HS3ST4: variants seen among roughly 807,000 people sequenced by gnomAD.
HS3ST4 encodes the protein heparan sulfate glucosamine 3-O-sulfotransferase 4.
HS3ST4 carries 17 observed loss-of-function variants against 29.2 expected under a neutral mutation model. The observed-to-expected ratio is 0.58, with a 90% CI of 0.40 to 0.87. The LOEUF is 0.87. HS3ST4 is among the 40% of genes least tolerant of loss of function. HS3ST4 has a pLI of 0.00. For missense variants in HS3ST4, 627 were observed against 634.5 expected, an observed-to-expected ratio of 0.99 and a Z score of 0.13; for synonymous variants, 314 against 285.7, an observed-to-expected ratio of 1.10 and a Z score of -1.00.
chr16:25,894,744 G>A (rs1968042951), intron 1 of HS3ST4, among the ~76,000 whole-genome samples: 1 of 152,100 alleles, frequency 6.6e-6, no homozygotes, highest in South Asian at 2.1e-4. Flanking sequence ...GACCTCAGGT[G>A]ATCCACCTGC....
intron 1 of HS3ST4, among the ~76,000 whole-genome samples, chr16:25,891,810 G>T (rs1047092894): frequency 1.3e-5 from 2 of 152,188 alleles, no homozygotes; most frequent in Non-Finnish European, 2.9e-5. Flanking sequence ...ATTGTTAGTA[G>T]CACAGGCTAT....
At chr16:25,896,941 T>C (rs1047346052) in intron 1 of HS3ST4, among the ~76,000 whole-genome samples, 4 of 151,994 alleles carry the variant, frequency 2.6e-5, no homozygotes, top group African/African-American at 9.7e-5. Flanking sequence ...CAGTGGGAGC[T>C]TAACATTGGG....
intron 1 of HS3ST4, among the ~76,000 whole-genome samples, chr16:26,124,306 A>G (rs746374044): frequency 2.7e-5 from 4 of 150,408 alleles, no homozygotes; most frequent in Non-Finnish European, 5.9e-5. Flanking sequence ...TGCTAAATTC[A>G]TGAACAAACG....
chr16:25,767,040 T>C (rs553225864), intron 1 of HS3ST4, among the ~76,000 whole-genome samples: 16 of 152,182 alleles, frequency 1.1e-4, no homozygotes, highest in Non-Finnish European at 2.1e-4. Context: ...TTTCAAAATA[T>C]GACTTTATAA....
chr16:26,086,917 A>G (rs1898796336), intron 1 of HS3ST4, among the ~76,000 whole-genome samples: 1 of 152,196 alleles, frequency 6.6e-6, no homozygotes, highest in Non-Finnish European at 1.5e-5. Context: ...ATGAGCCCAG[A>G]TGCAGAGGAG....
intron 1 of HS3ST4, among the ~76,000 whole-genome samples, chr16:25,736,850 C>A (rs559643538): frequency 4.6e-5 from 7 of 151,874 alleles, no homozygotes; most frequent in African/African-American, 1.7e-4. Context: ...TTTTTCTTTT[C>A]TTTTTATTTT....
chr16:26,131,244 C>T (rs1899414938), intron 1 of HS3ST4, among the ~76,000 whole-genome samples: 1 of 152,194 alleles, frequency 6.6e-6, no homozygotes, highest in Non-Finnish European at 1.5e-5. Flanking sequence ...TCTATCTCTG[C>T]CACACTCCTA....
intron 1 of HS3ST4, among the ~76,000 whole-genome samples, chr16:25,979,889 G>A (rs756321861): frequency 1.3e-5 from 2 of 152,132 alleles, no homozygotes; most frequent in Non-Finnish European, 2.9e-5. Context: ...CACCTACCCT[G>A]CTATGCGAAT....
intron 1 of HS3ST4, among the ~76,000 whole-genome samples, chr16:26,051,566 A>C (rs1265398558): frequency 1.3e-5 from 2 of 152,188 alleles, no homozygotes; most frequent in African/African-American, 4.8e-5. Context: ...CACACAGACC[A>C]GAAGTAAGAC....
chr16:25,999,568 A>G (rs1021886706), intron 1 of HS3ST4, among the ~76,000 whole-genome samples: 20 of 150,918 alleles, frequency 1.3e-4, no homozygotes, highest in Non-Finnish European at 2.4e-4. Flanking sequence ...ATTGCCATGT[A>G]TCTTGTTCTT....
chr16:25,937,134 T>C (rs181448150), intron 1 of HS3ST4, among the ~76,000 whole-genome samples: 175 of 145,502 alleles, frequency 1.2e-3, no homozygotes, highest in Non-Finnish European at 2.4e-3. Context: ...GGACTTTTTC[T>C]TTTTTTTTTT....
chr16:25,864,992 T>G (rs1596595667), intron 1 of HS3ST4, among the ~76,000 whole-genome samples: 1 of 135,080 alleles, frequency 7.4e-6, no homozygotes, highest in South Asian at 2.5e-4. Context: ...ACATACACAC[T>G]CACACACACA....
At chr16:26,012,184 A>G (rs1164692592) in intron 1 of HS3ST4, among the ~76,000 whole-genome samples, 1 of 152,228 alleles carries the variant, frequency 6.6e-6, no homozygotes, top group Non-Finnish European at 1.5e-5. Flanking sequence ...ACCATAAAAC[A>G]AGGAAACAGT....
intron 1 of HS3ST4, among the ~76,000 whole-genome samples, chr16:25,725,685 G>A (rs1040898445): frequency 1.3e-5 from 2 of 150,650 alleles, no homozygotes; most frequent in South Asian, 2.1e-4. Context: ...CTTATATATT[G>A]CAATTTATAT....
chr16:25,720,708 G>A (rs1218973598), intron 1 of HS3ST4, among the ~76,000 whole-genome samples: 1 of 152,222 alleles, frequency 6.6e-6, no homozygotes, highest in Non-Finnish European at 1.5e-5. Context: ...ATATTTGGAA[G>A]ATTATGTCTG....
chr16:25,772,596 G>A (rs1966843922), intron 1 of HS3ST4, among the ~76,000 whole-genome samples: 1 of 152,100 alleles, frequency 6.6e-6, no homozygotes, highest in Non-Finnish European at 1.5e-5. Flanking sequence ...CTTCTTATGG[G>A]CTTTTATTCA....
intron 1 of HS3ST4, among the ~76,000 whole-genome samples, chr16:25,733,889 C>G (rs953969698): frequency 6.6e-6 from 1 of 152,174 alleles, no homozygotes; most frequent in African/African-American, 2.4e-5. Flanking sequence ...GAGGCAGAAG[C>G]AGGCAGATCA....
At chr16:26,124,521 C>G (rs1038676889) in intron 1 of HS3ST4, among the ~76,000 whole-genome samples, 1 of 152,096 alleles carries the variant, frequency 6.6e-6, no homozygotes, top group African/African-American at 2.4e-5. Flanking sequence ...GGAAAACATA[C>G]GTAGTACAAG....
chr16:25,885,487 C>T (rs561678644), intron 1 of HS3ST4, among the ~76,000 whole-genome samples: 81 of 152,248 alleles, frequency 5.3e-4, no homozygotes, highest in Non-Finnish European at 9.4e-4. Flanking sequence ...ATTTGGGGCA[C>T]TCCCCACCAA....
Sources: gnomAD v4.1 joint callset for allele counts (sites outside exome capture counted in the v4.1 genomes callset) on GRCh38, gnomAD v4.1.1 for gene constraint, MANE v1.5 for transcripts, NCBI Gene and HGNC (gene_info 2026-07-23, HGNC 2026-07-21) for gene names.